The following SGCZ variants were observed in gnomAD, a reference collection of about 807,000 sequenced individuals.
SGCZ encodes the protein zeta-sarcoglycan.
In SGCZ, 40 loss-of-function variants were observed where a neutral mutation model predicts 41.3. The observed-to-expected ratio is 0.97, with a 90% CI of 0.75 to 1.26. SGCZ has a LOEUF of 1.26. Ranked by LOEUF, SGCZ falls within the 50% of genes most tolerant of loss-of-function variation. The pLI is 0.00. For missense variants in SGCZ, 552 were observed against 369.8 expected (o/e 1.49, Z -4.04); for synonymous variants, 206 against 137.5 (o/e 1.50, Z -3.49).
At chr8:14,145,265 C>A (rs777392916) in intron 5 of SGCZ, among the ~76,000 whole-genome samples, 1 of 151,984 alleles carries the variant, frequency 6.6e-6, no homozygotes, top group Admixed American at 6.6e-5. Flanking sequence ...GGGAAGATAA[C>A]AAGAGTCTCT....
At chr8:14,546,315 G>A (rs1295268251) in intron 2 of SGCZ, among the ~76,000 whole-genome samples, 1 of 152,126 alleles carries the variant, frequency 6.6e-6, no homozygotes, top group Non-Finnish European at 1.5e-5. Context: ...AAATGGAAAT[G>A]GCAGCTCAGA....
chr8:14,968,910 T>C (rs977559158), intron 1 of SGCZ, among the ~76,000 whole-genome samples: 2 of 152,152 alleles, frequency 1.3e-5, no homozygotes, highest in Non-Finnish European at 2.9e-5. Flanking sequence ...AGCTTTTTTT[T>C]CTCACAAATG....
At position 14,853,409 on chromosome 8, in the gene SGCZ, G is replaced by A. The variant is rs371196994; in HGVS notation, c.40-298483C>T. The A allele has an allele frequency of 4.1e-4, 213 of 525,412 alleles. 1 individual carries two copies. The highest frequency in any genetic ancestry group is 7.0e-4 in the Non-Finnish European group (177 of 254,406). The allele number at this position is 525,412 out of a possible 1,614,324, so 32.5% of individuals were successfully genotyped here. On this transcript the variant is annotated intron_variant, in intron 1 of 7. Transcript: ENST00000382080. Reference sequence around the variant, plus strand: ...GACCTACGCTGGATGGATACCCAAGGTCTCATGAGGTAAAGGCTAGGACAC... The same window carrying A: ...GACCTACGCTGGATGGATACCCAAGATCTCATGAGGTAAAGGCTAGGACAC...
intron 2 of SGCZ, among the ~76,000 whole-genome samples, chr8:14,441,429 G>C (rs144639824): frequency 6.6e-6 from 1 of 152,074 alleles, no homozygotes; most frequent in Non-Finnish European, 1.5e-5. Flanking sequence ...ACAAAAATTA[G>C]TTGGGCGTGG....
chr8:14,576,747 G>C (rs1296143477), intron 1 of SGCZ, among the ~76,000 whole-genome samples: 1 of 152,172 alleles, frequency 6.6e-6, no homozygotes, highest in Non-Finnish European at 1.5e-5. Flanking sequence ...TTCAACATCA[G>C]TGGAAGAAGC....
chr8:14,288,451 G>A (rs775857656), intron 3 of SGCZ, among the ~76,000 whole-genome samples: 3 of 151,804 alleles, frequency 2.0e-5, no homozygotes, highest in East Asian at 1.9e-4. Context: ...CCCTACCCTC[G>A]GCCACTGGTA....
chr8:14,811,679 T>TC (rs1801742756), intron 1 of SGCZ, among the ~76,000 whole-genome samples: 1 of 151,566 alleles, frequency 6.6e-6, no homozygotes, highest in South Asian at 2.1e-4. Flanking sequence ...GTACATTGTC[T>TC]CCTCTCCCCA....
At chr8:14,466,327 G>T (rs923551954) in intron 2 of SGCZ, among the ~76,000 whole-genome samples, 1 of 152,086 alleles carries the variant, frequency 6.6e-6, no homozygotes, top group East Asian at 1.9e-4. Flanking sequence ...TTTCTGAAGA[G>T]AAATCTTCTG....
chr8:14,889,412 G>A (rs186456597), intron 1 of SGCZ, among the ~76,000 whole-genome samples: 12 of 152,090 alleles, frequency 7.9e-5, no homozygotes, highest in East Asian at 1.9e-4. Flanking sequence ...AGAATAAAAC[G>A]CCTAATTAGA....
intron 1 of SGCZ, among the ~76,000 whole-genome samples, chr8:15,097,422 C>G (rs1806388813): frequency 1.3e-5 from 2 of 151,868 alleles, no homozygotes; most frequent in Admixed American, 6.6e-5. Context: ...TGCACCTCCA[C>G]TTAAAACATT....
intron 3 of SGCZ, among the ~76,000 whole-genome samples, chr8:14,247,689 T>C (rs954447905): frequency 3.3e-5 from 5 of 152,150 alleles, no homozygotes; most frequent in African/African-American, 9.7e-5. Flanking sequence ...CTATGTTGGG[T>C]TGCCACTTTT....
At chr8:14,282,271 T>G (rs1383912111) in intron 3 of SGCZ, among the ~76,000 whole-genome samples, 1 of 152,172 alleles carries the variant, frequency 6.6e-6, no homozygotes, top group Non-Finnish European at 1.5e-5. Flanking sequence ...CAGAAACATT[T>G]GTTTCTTAGA....
intron 1 of SGCZ, among the ~76,000 whole-genome samples, chr8:15,192,335 G>A (rs527372077): frequency 1.3e-5 from 2 of 152,030 alleles, no homozygotes; most frequent in Non-Finnish European, 2.9e-5. Context: ...TTTTAAGTAC[G>A]CATACAAATT....
intron 1 of SGCZ, among the ~76,000 whole-genome samples, chr8:15,085,526 G>C (rs1348350297): frequency 6.6e-6 from 1 of 152,120 alleles, no homozygotes; most frequent in Non-Finnish European, 1.5e-5. Context: ...AGGAGGATGT[G>C]GGATATGACA....
At chr8:14,703,001 G>T (rs1809219362) in intron 1 of SGCZ, among the ~76,000 whole-genome samples, 1 of 151,440 alleles carries the variant, frequency 6.6e-6, no homozygotes, top group Non-Finnish European at 1.5e-5. Flanking sequence ...AGATTTATTT[G>T]AACAATTCTT....
chr8:14,272,775 C>G (rs1442833305), intron 3 of SGCZ, among the ~76,000 whole-genome samples: 2 of 152,072 alleles, frequency 1.3e-5, no homozygotes, highest in South Asian at 4.1e-4. Context: ...CTTGTTATAA[C>G]CTCAGTTTTG....
At chr8:14,932,430 T>G (rs2130807583) in intron 1 of SGCZ, among the ~76,000 whole-genome samples, 1 of 152,138 alleles carries the variant, frequency 6.6e-6, no homozygotes, top group South Asian at 2.1e-4. Context: ...GCAATAAAAC[T>G]AATTTTGACT....
At chr8:14,440,856 C>T (rs548901642) in intron 2 of SGCZ, among the ~76,000 whole-genome samples, 3,104 of 122,792 alleles carry the variant, frequency 0.025, 111 homozygotes, top group Middle Eastern at 0.042. Flanking sequence ...TATATGTACA[C>T]ACACACACAC....
rs554294330 is a variant in SGCZ at position 14,189,053 on chromosome 8, T to C, written c.425-24351A>G. On this transcript the variant is annotated intron_variant, in intron 4 of 7. Transcript: ENST00000382080. The stretch of plus-strand genomic sequence containing the variant: ...TTTGTATTTTTAGTAGAGATGGGGT[T>C]TTACTATGTTGGCAAGGCTGGTCTT... Among the ~76,000 whole-genome samples, 4 of 149,160 alleles carry C rather than the reference T, an allele frequency of 2.7e-5. No individual in the cohort carries two copies. The East Asian group carries it at 6.0e-4, about 22-fold the overall frequency.
Sources: allele counts gnomAD v4.1 joint callset (sites outside exome capture counted in the v4.1 genomes callset), GRCh38; gene constraint gnomAD v4.1.1; transcripts MANE v1.5; gene names NCBI Gene and HGNC (gene_info 2026-07-23, HGNC 2026-07-21).